SPATS2L: variants seen among roughly 807,000 people sequenced by gnomAD.
The protein encoded by SPATS2L is SPATS2-like protein.
Under a neutral mutation model 59.6 loss-of-function variants are expected in SPATS2L, and 30 were observed. The observed-to-expected ratio is 0.50, with a 90% CI of 0.38 to 0.68. The LOEUF (loss-of-function observed/expected upper bound fraction) is 0.68. Ranked by LOEUF, SPATS2L falls within the 30% of genes least tolerant of loss-of-function variation. The pLI, the probability that SPATS2L is intolerant of heterozygous loss-of-function variation, is 0.00. For synonymous variants in SPATS2L, 252 were observed against 263.5 expected (o/e 0.96, Z 0.42); for missense variants, 615 against 700.0 (o/e 0.88, Z 1.37).
At chr2:200,323,099 GTTAAA>G (rs2079618213) in intron 1 of SPATS2L, among the ~76,000 whole-genome samples, 1 of 152,194 alleles carries the variant, frequency 6.6e-6, no homozygotes, top group African/African-American at 2.4e-5. Context: ...GTACTAGCAA[GTTAAA>G]TTTGAACTTA....
chr2:200,411,150 C>T (rs926132239), intron 3 of SPATS2L, among the ~76,000 whole-genome samples: 1 of 151,978 alleles, frequency 6.6e-6, no homozygotes, highest in Non-Finnish European at 1.5e-5. Context: ...GTCATATACC[C>T]ACCCATGGCT....
At chr2:200,312,198 C>T (rs922790358) in intron 1 of SPATS2L, among the ~76,000 whole-genome samples, 1 of 152,164 alleles carries the variant, frequency 6.6e-6, no homozygotes, top group Non-Finnish European at 1.5e-5. Context: ...ATCCAGCTCA[C>T]TTAGAATGCT....
intron 1 of SPATS2L, among the ~76,000 whole-genome samples, chr2:200,314,064 C>G (rs1329290113): frequency 6.6e-6 from 1 of 152,216 alleles, no homozygotes; most frequent in African/African-American, 2.4e-5. Flanking sequence ...CTTCTGTTTT[C>G]TTCTACTACC....
chr2:200,409,324 G>A lies in SPATS2L; in HGVS notation c.40-2987G>A, dbSNP rs528017397. Among the ~76,000 whole-genome samples, 6 of 152,006 alleles carry A rather than the reference G, an allele frequency of 3.9e-5. No homozygotes were observed. In the East Asian group the frequency reaches 9.7e-4, roughly 24 times the overall value. On this transcript the variant is annotated intron_variant, in intron 3 of 12. Transcript: ENST00000409140. ...ACAACCTCACTATAACTCTTCCTTG[G>A]TCATCCATGCCTTATATTTAAAGCT...
intron 3 of SPATS2L, among the ~76,000 whole-genome samples, chr2:200,391,186 A>T (rs1230013897): frequency 1.3e-5 from 2 of 152,180 alleles, no homozygotes; most frequent in Admixed American, 6.5e-5. Context: ...AAAAACCCAC[A>T]GTAGAGCAGC....
At chr2:200,427,995 T>TG (rs1430901660) in intron 6 of SPATS2L, among the ~76,000 whole-genome samples, 3 of 149,434 alleles carry the variant, frequency 2.0e-5, no homozygotes, top group African/African-American at 7.5e-5. Flanking sequence ...TCACTTGAGC[T>TG]GGGGGTCGAG....
At chr2:200,386,424 T>C (rs1007140464) in intron 2 of SPATS2L, among the ~76,000 whole-genome samples, 1 of 152,130 alleles carries the variant, frequency 6.6e-6, no homozygotes, top group Non-Finnish European at 1.5e-5. Context: ...AGACTTGAGG[T>C]CAAAGAGAAA....
intron 2 of SPATS2L, among the ~76,000 whole-genome samples, chr2:200,332,088 G>A (rs1163344793): frequency 6.6e-6 from 1 of 152,008 alleles, no homozygotes; most frequent in Non-Finnish European, 1.5e-5. Context: ...TGTTCTCTTG[G>A]TATGCACAAT....
At chr2:200,396,033 A>AAAAATATATAT (rs1553520464) in intron 3 of SPATS2L, among the ~76,000 whole-genome samples, 11 of 21,132 alleles carry the variant, frequency 5.2e-4, no homozygotes, top group Middle Eastern at 0.036. Context: ...AAAAAAAAAA[A>AAAAATATATAT]ATATATATAT....
At chr2:200,471,733 C>A (rs2087056826) in intron 11 of SPATS2L, among the ~76,000 whole-genome samples, 2 of 152,198 alleles carry the variant, frequency 1.3e-5, no homozygotes, top group South Asian at 4.1e-4. Flanking sequence ...GCTGTCACAC[C>A]TTCCCAGTAC....
chr2:200,317,123 A>T (rs2105761680), intron 1 of SPATS2L, among the ~76,000 whole-genome samples: 1 of 152,316 alleles, frequency 6.6e-6, no homozygotes, highest in South Asian at 2.1e-4. Context: ...CACTTCAAAT[A>T]TCAAGTTTCT....
chr2:200,473,082 G>GC, intron 12 of SPATS2L, 30 bp downstream of exon 12: 1 of 1,421,238 alleles, frequency 7.0e-7, no homozygotes, highest in Non-Finnish European at 9.4e-7. Context: ...GGGTGCCAGA[G>GC]GAAAAAAAAA....
At chr2:200,375,890 G>T (rs539276275) in intron 2 of SPATS2L, among the ~76,000 whole-genome samples, 1 of 152,280 alleles carries the variant, frequency 6.6e-6, no homozygotes. Flanking sequence ...GCCTCCCAAA[G>T]TGCTGGGATT....
At chr2:200,379,209 T>A (rs1175899074) in intron 2 of SPATS2L, among the ~76,000 whole-genome samples, 1 of 152,238 alleles carries the variant, frequency 6.6e-6, no homozygotes, top group Non-Finnish European at 1.5e-5. Context: ...CCAGGAGATA[T>A]AAGTTCGAAT....
chr2:200,354,267 C>T (rs554758736), intron 2 of SPATS2L, among the ~76,000 whole-genome samples: 8 of 152,132 alleles, frequency 5.3e-5, no homozygotes, highest in Non-Finnish European at 1.0e-4. Context: ...CCCTGTGATC[C>T]TAGAAGTGGA....
intron 3 of SPATS2L, among the ~76,000 whole-genome samples, chr2:200,406,581 AAGGC>A (rs1289937199): frequency 1.3e-5 from 2 of 152,150 alleles, no homozygotes; most frequent in Non-Finnish European, 2.9e-5. Flanking sequence ...TCAGACCTTC[AAGGC>A]AGAGGGTCTA....
chr2:200,318,217 C>T (rs1020522259), intron 1 of SPATS2L, among the ~76,000 whole-genome samples: 2 of 152,180 alleles, frequency 1.3e-5, no homozygotes, highest in Admixed American at 1.3e-4. Flanking sequence ...GATGTTATGC[C>T]AGTCACTGTG....
rs2084634277 is a variant in SPATS2L, at chr2:200,440,644, T to C, written c.653-5T>C. The C allele has an allele frequency of 1.2e-6, 2 of 1,610,948 alleles. No individual in the cohort carries two copies. The highest frequency in any genetic ancestry group is 1.7e-6 in the Non-Finnish European group (2 of 1,178,238). Reference sequence around the variant, plus strand: ...GTTAATAATATTTTTTGACATCAATTTTAGGCCCAAATATTGAGAAATCAG... The same window carrying C: ...GTTAATAATATTTTTTGACATCAATCTTAGGCCCAAATATTGAGAAATCAG... On this transcript the variant is annotated splice_region_variant and splice_polypyrimidine_tract_variant and intron_variant, in intron 7 of 12. Transcript: ENST00000409140.
chr2:200,334,113 C>A (rs1206574979), intron 2 of SPATS2L, among the ~76,000 whole-genome samples: 2 of 152,238 alleles, frequency 1.3e-5, no homozygotes, highest in Middle Eastern at 3.4e-3. Flanking sequence ...GTTTATAGTC[C>A]CACCAACAGT....
Sources: gnomAD v4.1 joint callset for allele counts (sites outside exome capture counted in the v4.1 genomes callset) on GRCh38, gnomAD v4.1.1 for gene constraint, MANE v1.5 for transcripts, NCBI Gene and HGNC (gene_info 2026-07-23, HGNC 2026-07-21) for gene names.